TRPC4: variants seen among roughly 807,000 people sequenced by gnomAD.
TRPC4 encodes transient receptor potential cation channel subfamily C member 4, also known as short transient receptor potential channel 4.
TRPC4 carries 49 observed loss-of-function variants against 99.4 expected under a neutral mutation model. That is an observed-to-expected ratio of 0.49 (90% CI 0.39 to 0.63). The LOEUF (loss-of-function observed/expected upper bound fraction) is 0.63. TRPC4 is among the 20% of genes least tolerant of loss of function. TRPC4 has a pLI of 0.00. For synonymous variants in TRPC4, 454 were observed against 425.9 expected (o/e 1.07, Z -0.81); for missense variants, 898 against 1,152.9 (o/e 0.78, Z 3.20).
intron 3 of TRPC4, among the ~76,000 whole-genome samples, chr13:37,731,364 T>G (rs922009260): frequency 6.6e-6 from 1 of 152,016 alleles, no homozygotes; most frequent in Non-Finnish European, 1.5e-5. Context: ...TCCTGAGATA[T>G]TAATAATTTT....
intron 1 of TRPC4, among the ~76,000 whole-genome samples, chr13:37,803,058 T>C (rs1320788727): frequency 3.3e-5 from 5 of 152,104 alleles, no homozygotes; most frequent in Non-Finnish European, 7.4e-5. Context: ...GATACTATTA[T>C]TGTTTCTTTT....
intron 1 of TRPC4, among the ~76,000 whole-genome samples, chr13:37,834,073 C>G (rs975522276): frequency 6.6e-6 from 1 of 152,104 alleles, no homozygotes; most frequent in African/African-American, 2.4e-5. Flanking sequence ...TTTAGTTCAT[C>G]AGGTGACATA....
intron 4 of TRPC4, among the ~76,000 whole-genome samples, chr13:37,687,488 T>C (rs925974072): frequency 1.3e-5 from 2 of 152,138 alleles, no homozygotes; most frequent in African/African-American, 4.8e-5. Context: ...CAAAAGTTTG[T>C]TTTTCCCATA....
intron 1 of TRPC4, among the ~76,000 whole-genome samples, chr13:37,792,132 C>G (rs1957137594): frequency 6.6e-6 from 1 of 152,158 alleles, no homozygotes; most frequent in Non-Finnish European, 1.5e-5. Flanking sequence ...AAGAGACCAT[C>G]TGCCAATAAA....
intron 3 of TRPC4, among the ~76,000 whole-genome samples, chr13:37,700,878 C>T (rs2138931303): frequency 6.6e-6 from 1 of 152,274 alleles, no homozygotes. Context: ...AATCTCTTTT[C>T]TGTCTCCCTG....
intron 8 of TRPC4, 77 bp downstream of exon 8, chr13:37,651,188 C>T (rs1459668147): frequency 2.6e-6 from 4 of 1,538,566 alleles, no homozygotes; most frequent in Non-Finnish European, 2.7e-6. Flanking sequence ...AAGACCTGAA[C>T]ATGTACAATA....
chr13:37,732,848 A>G (rs576637082), intron 3 of TRPC4, among the ~76,000 whole-genome samples: 14 of 152,356 alleles, frequency 9.2e-5, no homozygotes, highest in African/African-American at 3.1e-4. Flanking sequence ...TGCCATGCTC[A>G]CAGATCAAAA....
intron 1 of TRPC4, among the ~76,000 whole-genome samples, chr13:37,807,557 T>C (rs1051785930): frequency 2.0e-5 from 3 of 152,112 alleles, no homozygotes; most frequent in East Asian, 1.9e-4. Context: ...GTATGAAACA[T>C]TACAAACTCG....
chr13:37,828,903 T>C (rs1958329013), intron 1 of TRPC4, among the ~76,000 whole-genome samples: 1 of 152,106 alleles, frequency 6.6e-6, no homozygotes, highest in Admixed American at 6.6e-5. Context: ...TACCTGTACA[T>C]CAGACTCACA....
rs728234 is a variant in TRPC4, at chr13:37,773,639, C to G, written c.378+9317G>C. Among the ~76,000 whole-genome samples the G allele has an allele frequency of 0.013, 1,945 of 151,832 alleles. 67 individuals are homozygous for G. In the East Asian group the frequency reaches 0.13, roughly 10 times the overall value. On this transcript the variant is annotated intron_variant, in intron 2 of 10. Coordinates refer to ENST00000379705, the MANE Select transcript of TRPC4 (RefSeq NM_016179.4). ...ATAGTGGCATTGGGGAAGTCCACCTCTCTTTTTAAAATGACAATAATGAAA... is the reference window on the plus strand; with the variant it reads ...ATAGTGGCATTGGGGAAGTCCACCTGTCTTTTTAAAATGACAATAATGAAA...
At chr13:37,769,228 A>G (rs1956477471) in intron 2 of TRPC4, among the ~76,000 whole-genome samples, 1 of 151,422 alleles carries the variant, frequency 6.6e-6, no homozygotes, top group South Asian at 2.1e-4. Context: ...GAAACTATAC[A>G]TATATTTTTG....
chr13:37,767,714 G>A (rs1325711607), intron 2 of TRPC4, among the ~76,000 whole-genome samples: 2 of 151,226 alleles, frequency 1.3e-5, no homozygotes, highest in Non-Finnish European at 3.0e-5. Context: ...ACTTAATCTT[G>A]CCAGATTGTA....
chr13:37,852,134 G>A (rs1327619960), intron 1 of TRPC4, among the ~76,000 whole-genome samples: 1 of 152,250 alleles, frequency 6.6e-6, no homozygotes, highest in South Asian at 2.1e-4. Flanking sequence ...TGTGACCTGG[G>A]GAGACATCAG....
At chr13:37,789,717 A>T (rs766509241) in intron 1 of TRPC4, among the ~76,000 whole-genome samples, 2 of 150,340 alleles carry the variant, frequency 1.3e-5, no homozygotes, top group Non-Finnish European at 3.0e-5. Context: ...TCTTTTCTGC[A>T]CATCTTTACT....
chr13:37,736,838 C>G (rs1234725903), intron 3 of TRPC4, among the ~76,000 whole-genome samples: 1 of 151,830 alleles, frequency 6.6e-6, no homozygotes, highest in Non-Finnish European at 1.5e-5. Context: ...AATTGATCCT[C>G]CCATCTCAGG....
chr13:37,815,930 C>A (rs570092872), intron 1 of TRPC4, among the ~76,000 whole-genome samples: 20 of 151,382 alleles, frequency 1.3e-4, no homozygotes, highest in Non-Finnish European at 1.9e-4. Flanking sequence ...CAGAACACAG[C>A]ACAATAAAAA....
At chr13:37,834,617 A>G (rs2139607353) in intron 1 of TRPC4, among the ~76,000 whole-genome samples, 1 of 152,344 alleles carries the variant, frequency 6.6e-6, no homozygotes, top group East Asian at 1.9e-4. Context: ...TCTCATTGAC[A>G]TAGTTTCCAT....
chr13:37,706,474 G>A (rs1263043787), intron 3 of TRPC4, among the ~76,000 whole-genome samples: 3 of 152,062 alleles, frequency 2.0e-5, no homozygotes, highest in Non-Finnish European at 4.4e-5. Context: ...GTGCTTAGAA[G>A]CTATTCTTTT....
intron 1 of TRPC4, among the ~76,000 whole-genome samples, chr13:37,859,738 C>T (rs1186309494): frequency 1.3e-5 from 2 of 151,284 alleles, no homozygotes; most frequent in African/African-American, 4.8e-5. Context: ...CTAAAGAGAA[C>T]TCTTAATCTG....
Sources: allele counts gnomAD v4.1 joint callset (sites outside exome capture counted in the v4.1 genomes callset), GRCh38; gene constraint gnomAD v4.1.1; transcripts MANE v1.5; gene names NCBI Gene and HGNC (gene_info 2026-07-23, HGNC 2026-07-21).